PHACTR1: variants seen among roughly 807,000 people sequenced by gnomAD.
PHACTR1 encodes the protein RPEL repeat containing 1.
In PHACTR1, 16 loss-of-function variants were observed where a neutral mutation model predicts 69.2. That is an observed-to-expected ratio of 0.23 (90% CI 0.16 to 0.35). The LOEUF (loss-of-function observed/expected upper bound fraction) is 0.35. PHACTR1 is among the 10% of genes least tolerant of loss of function. The pLI is 1.00. For missense variants in PHACTR1, 510 were observed against 734.7 expected (o/e 0.69, Z 3.54); for synonymous variants, 312 against 284.5 (o/e 1.10, Z -0.97).
chr6:12,805,200 A>G (rs956182379), intron 4 of PHACTR1, among the ~76,000 whole-genome samples: 3 of 152,182 alleles, frequency 2.0e-5, no homozygotes, highest in African/African-American at 7.2e-5. Context: ...AAAATATCAC[A>G]CTTGAAATTC....
chr6:12,878,119 T>C (rs570782288), intron 4 of PHACTR1, among the ~76,000 whole-genome samples: 7 of 152,230 alleles, frequency 4.6e-5, no homozygotes, highest in Non-Finnish European at 8.8e-5. Context: ...CTTAGCAAAG[T>C]ACCTGATTAG....
chr6:12,835,742 T>C (rs1201748562), intron 4 of PHACTR1, among the ~76,000 whole-genome samples: 1 of 152,172 alleles, frequency 6.6e-6, no homozygotes, highest in Non-Finnish European at 1.5e-5. Flanking sequence ...AGGACGGATG[T>C]TTTATTTCGA....
Position 12,752,873 on chromosome 6 carries a change from A to G in PHACTR1, c.250+3083A>G, listed in dbSNP as rs559222199. Among the ~76,000 whole-genome samples the G allele has an allele frequency of 2.6e-5, 4 of 152,366 alleles. No homozygotes were observed. The South Asian group carries it at 8.3e-4, about 32-fold the overall frequency. On this transcript the variant is annotated intron_variant, in intron 4 of 14. Coordinates refer to ENST00000332995, the MANE Select transcript of PHACTR1 (RefSeq NM_030948.6). ...AAGATGCTAATTTCAAGTTTCAGCTAAAATTGAGAGCATAGATAACAGAAA... is the reference window on the plus strand; with the variant it reads ...AAGATGCTAATTTCAAGTTTCAGCTGAAATTGAGAGCATAGATAACAGAAA...
At chr6:13,086,083 T>TAAAAAAAAAAAAAAAAAAAAAAAAACA (rs776154642) in intron 5 of PHACTR1, among the ~76,000 whole-genome samples, 1 of 60,266 alleles carries the variant, frequency 1.7e-5, no homozygotes, top group Non-Finnish European at 2.9e-5. Flanking sequence ...TACACATTTC[T>TAAAAAAAAAAAAAAAAAAAAAAAAACA]AAAAAAAAAA....
At position 12,786,383 on chromosome 6, in the gene PHACTR1, G is replaced by T. The variant is rs553121319; in HGVS notation, c.250+36593G>T. On this transcript the variant is annotated intron_variant, in intron 4 of 14. Transcript: ENST00000332995. ...TTCTTAATACAAATTCAGATCTTTTGTTAACAATTAATTTCAAAGCTTCAA... is the reference window on the plus strand; with the variant it reads ...TTCTTAATACAAATTCAGATCTTTTTTTAACAATTAATTTCAAAGCTTCAA... Among the ~76,000 whole-genome samples, 51 of 152,274 alleles carry T rather than the reference G, an allele frequency of 3.3e-4. 1 individual carries two copies. The highest frequency in any genetic ancestry group is 1.7e-3 in the South Asian group (8 of 4,826).
intron 4 of PHACTR1, among the ~76,000 whole-genome samples, chr6:12,838,815 A>G (rs1415147973): frequency 1.3e-5 from 2 of 152,316 alleles, no homozygotes; most frequent in African/African-American, 2.4e-5. Context: ...AATGGCATTA[A>G]TGCAGGTGTG....
intron 5 of PHACTR1, among the ~76,000 whole-genome samples, chr6:13,137,595 T>G (rs991710199): frequency 6.6e-6 from 1 of 152,248 alleles, no homozygotes; most frequent in Admixed American, 6.5e-5. Context: ...TTTCTATGTT[T>G]AGCAGTTCCT....
chr6:13,068,840 C>T (rs570745617), intron 5 of PHACTR1, among the ~76,000 whole-genome samples: 6 of 152,064 alleles, frequency 3.9e-5, no homozygotes, highest in Admixed American at 6.6e-5. Context: ...AGTATCCTTT[C>T]GAAAAGCAGA....
intron 4 of PHACTR1, among the ~76,000 whole-genome samples, chr6:13,040,263 C>CCTATTTCT (rs377038796): frequency 2.0e-5 from 3 of 152,128 alleles, no homozygotes; most frequent in African/African-American, 4.8e-5. Flanking sequence ...TTGACATCAG[C>CCTATTTCT]CTATTTCTCT....
At chr6:13,032,621 G>T (rs1323537841) in intron 4 of PHACTR1, among the ~76,000 whole-genome samples, 1 of 151,698 alleles carries the variant, frequency 6.6e-6, no homozygotes, top group African/African-American at 2.4e-5. Context: ...TGTTATGAAA[G>T]ATTTTTTTTT....
At chr6:13,196,432 G>GTTTTTTTTTTGTTTTTTTTTTGTT in intron 7 of PHACTR1, 1 of 105,060 alleles carries the variant, frequency 9.5e-6, no homozygotes, top group East Asian at 6.4e-4. Context: ...TTTTTTTTTT[G>GTTTTTTTTTTGTTTTTTTTTTGTT]TTTTTTGAGA....
intron 5 of PHACTR1, among the ~76,000 whole-genome samples, chr6:13,112,013 T>C (rs1817121895): frequency 6.6e-6 from 1 of 152,170 alleles, no homozygotes; most frequent in African/African-American, 2.4e-5. Context: ...CTTTTCCTGA[T>C]CCTCTCCGCC....
At chr6:12,910,466 A>C (rs6917613) in intron 4 of PHACTR1, among the ~76,000 whole-genome samples, 17,171 of 152,180 alleles carry the variant, frequency 0.11, 2,232 homozygotes, top group African/African-American at 0.32. Flanking sequence ...AGGAAAAGAA[A>C]ATCTGCTTGA....
chr6:12,799,720 T>C (rs968873364), intron 4 of PHACTR1, among the ~76,000 whole-genome samples: 5 of 152,158 alleles, frequency 3.3e-5, no homozygotes, highest in South Asian at 2.1e-4. Context: ...TTTATGAAAA[T>C]CTAGTGTCAG....
At chr6:12,829,325 A>G (rs1335957619) in intron 4 of PHACTR1, among the ~76,000 whole-genome samples, 2 of 152,234 alleles carry the variant, frequency 1.3e-5, no homozygotes, top group Admixed American at 1.3e-4. Flanking sequence ...AACTGTTTAC[A>G]TGAAGTTGTA....
At chr6:12,973,726 A>G (rs1225525056) in intron 4 of PHACTR1, among the ~76,000 whole-genome samples, 1 of 152,168 alleles carries the variant, frequency 6.6e-6, no homozygotes, top group African/African-American at 2.4e-5. Flanking sequence ...CAGAAGAGGA[A>G]CAAAACCAGA....
intron 5 of PHACTR1, among the ~76,000 whole-genome samples, chr6:13,125,895 G>A (rs117034529): frequency 1.5e-4 from 23 of 151,788 alleles, no homozygotes; most frequent in South Asian, 1.2e-3. Context: ...GTACCACTAC[G>A]CTCCATCCTG....
At chr6:12,947,476 A>C (rs997705503) in intron 4 of PHACTR1, among the ~76,000 whole-genome samples, 1 of 152,200 alleles carries the variant, frequency 6.6e-6, no homozygotes, top group Admixed American at 6.5e-5. Flanking sequence ...AAAAAACAAC[A>C]TTCTTATTTT....
intron 5 of PHACTR1, among the ~76,000 whole-genome samples, chr6:13,157,694 T>G (rs1345919380): frequency 6.6e-6 from 1 of 152,194 alleles, no homozygotes; most frequent in African/African-American, 2.4e-5. Context: ...AAACCTCATT[T>G]TGTTTAAGAG....
Sources: gnomAD v4.1 joint callset for allele counts (sites outside exome capture counted in the v4.1 genomes callset) on GRCh38, gnomAD v4.1.1 for gene constraint, MANE v1.5 for transcripts, NCBI Gene and HGNC (gene_info 2026-07-23, HGNC 2026-07-21) for gene names.